Variants in CAMK1D observed in about 807,000 individuals in gnomAD.
The protein encoded by CAMK1D is calcium/calmodulin dependent protein kinase ID.
Under a neutral mutation model 47.7 loss-of-function variants are expected in CAMK1D, and 9 were observed. The observed-to-expected ratio is 0.19, with a 90% confidence interval of 0.11 to 0.33. The LOEUF (loss-of-function observed/expected upper bound fraction) is 0.33, where lower values mean the gene tolerates loss of function less well. Among genes scored for constraint, CAMK1D ranks in the 10% least tolerant of loss-of-function variants. CAMK1D has a pLI of 1.00. For missense variants in CAMK1D, 291 were observed against 488.7 expected (o/e 0.60, Z 3.81); for synonymous variants, 184 against 184.9 (o/e 0.99, Z 0.04).
intron 2 of CAMK1D, among the ~76,000 whole-genome samples, chr10:12,627,578 C>G (rs562273168): frequency 6.6e-6 from 1 of 152,242 alleles, no homozygotes; most frequent in African/African-American, 2.4e-5. Context: ...AACCACTCAT[C>G]TGATTTGTAT....
intron 3 of CAMK1D, among the ~76,000 whole-genome samples, chr10:12,668,121 G>T (rs190789087): frequency 2.2e-4 from 34 of 152,090 alleles, no homozygotes; most frequent in Non-Finnish European, 4.4e-4. Flanking sequence ...ACACTTTGCC[G>T]TATTTCTGGT....
At chr10:12,377,128 A>G (rs1477794730) in intron 1 of CAMK1D, among the ~76,000 whole-genome samples, 3 of 152,206 alleles carry the variant, frequency 2.0e-5, no homozygotes, top group African/African-American at 7.2e-5. Context: ...AATGAAGATA[A>G]TAATTTTTGA....
intron 2 of CAMK1D, among the ~76,000 whole-genome samples, chr10:12,589,461 C>T (rs1362389221): frequency 6.6e-6 from 1 of 152,204 alleles, no homozygotes; most frequent in Admixed American, 6.5e-5. Context: ...GCTTCACTGA[C>T]CGTGCTTGCT....
intron 8 of CAMK1D, 31 bp downstream of exon 8, chr10:12,816,359 G>A (rs372645220): frequency 1.9e-6 from 3 of 1,571,420 alleles, no homozygotes; most frequent in African/African-American, 2.7e-5. Context: ...AGCAGACCGT[G>A]CCATTTAATG....
At position 12,430,301 on chromosome 10, in the gene CAMK1D, C is replaced by T. The variant is rs571889889; in HGVS notation, c.92+80391C>T. Among the ~76,000 whole-genome samples the T allele has an allele frequency of 4.6e-5, 7 of 152,280 alleles. 1 individual carries two copies. Among genetic ancestry groups the T allele is most frequent in the South Asian group, 2.1e-4 (1 of 4,832 alleles). ...CAATAATTCCCAAATGAACACGATC[C>T]GCTCTCCCGGAGAGCACAGCCCCAC... On this transcript the variant is annotated intron_variant, in intron 1 of 10. Coordinates refer to ENST00000619168, the MANE Select transcript of CAMK1D (RefSeq NM_153498.4).
At chr10:12,423,168 C>T (rs1379044259) in intron 1 of CAMK1D, among the ~76,000 whole-genome samples, 1 of 152,094 alleles carries the variant, frequency 6.6e-6, no homozygotes, top group Non-Finnish European at 1.5e-5. Flanking sequence ...TCCTTTTGTA[C>T]TATCCATCTC....
Position 12,518,520 on chromosome 10 carries a change from G to C in CAMK1D, c.93-34705G>C, listed in dbSNP as rs1835280148. On this transcript the variant is annotated intron_variant, in intron 1 of 10. Coordinates refer to ENST00000619168, the MANE Select transcript of CAMK1D (RefSeq NM_153498.4). ...TTTTTTTTTTTTATTGATCATTCTT[G>C]GGTGTTTCTCGCAGAGGGGGATTTG... Among the ~76,000 whole-genome samples the C allele has an allele frequency of 3.0e-5, 3 of 100,740 alleles. 1 individual carries two copies. Among genetic ancestry groups the C allele is most frequent in the Admixed American group, 9.5e-5 (1 of 10,534 alleles). The allele number at this position is 100,740 out of a possible 152,430, so 66.1% of individuals were successfully genotyped here.
At chr10:12,743,511 T>C (rs1358252894) in intron 3 of CAMK1D, among the ~76,000 whole-genome samples, 1 of 152,092 alleles carries the variant, frequency 6.6e-6, no homozygotes, top group African/African-American at 2.4e-5. Context: ...ACTTAAAAAA[T>C]AGGTATAAAT....
chr10:12,358,235 G>A (rs2131837048), intron 1 of CAMK1D, among the ~76,000 whole-genome samples: 1 of 152,008 alleles, frequency 6.6e-6, no homozygotes, highest in Middle Eastern at 3.4e-3. Flanking sequence ...CATAGAGAAA[G>A]AAAAGAAAAA....
chr10:12,542,804 G>A (rs1162894370), intron 1 of CAMK1D, among the ~76,000 whole-genome samples: 2 of 150,280 alleles, frequency 1.3e-5, no homozygotes, highest in African/African-American at 2.5e-5. Context: ...GTGCAGCAGT[G>A]TGAACTCAGC....
intron 1 of CAMK1D, among the ~76,000 whole-genome samples, chr10:12,545,282 A>G (rs541930721): frequency 1.0e-3 from 6 of 5,778 alleles, no homozygotes; most frequent in Admixed American, 8.0e-3. Flanking sequence ...TCTACTAAAA[A>G]AACAAAAAAA....
At chr10:12,577,778 C>A (rs7096144) in intron 2 of CAMK1D, among the ~76,000 whole-genome samples, 1 of 152,318 alleles carries the variant, frequency 6.6e-6, no homozygotes, top group Non-Finnish European at 1.5e-5. Context: ...TGGCTGACAT[C>A]GTTAACTCAG....
chr10:12,573,281 G>T (rs2132320030), intron 2 of CAMK1D, among the ~76,000 whole-genome samples: 1 of 152,336 alleles, frequency 6.6e-6, no homozygotes, highest in East Asian at 1.9e-4. Context: ...TGTTAGTGAT[G>T]CCTGTGGGTG....
intron 2 of CAMK1D, among the ~76,000 whole-genome samples, chr10:12,658,578 T>C (rs1196087383): frequency 1.3e-5 from 2 of 152,168 alleles, no homozygotes; most frequent in Non-Finnish European, 2.9e-5. Context: ...TGGCCCACCA[T>C]GTCCCCATCC....
chr10:12,383,984 A>G (rs1838418268), intron 1 of CAMK1D, among the ~76,000 whole-genome samples: 1 of 152,238 alleles, frequency 6.6e-6, no homozygotes. Flanking sequence ...TAACTATTCC[A>G]TTTAATAAAT....
intron 1 of CAMK1D, among the ~76,000 whole-genome samples, chr10:12,550,879 G>A (rs1836554836): frequency 6.6e-6 from 1 of 152,234 alleles, no homozygotes; most frequent in Non-Finnish European, 1.5e-5. Context: ...TGGGAACGCT[G>A]TCCTGAAGTT....
chr10:12,375,984 G>A (rs1409867073), intron 1 of CAMK1D, among the ~76,000 whole-genome samples: 7 of 151,622 alleles, frequency 4.6e-5, no homozygotes, highest in Non-Finnish European at 8.8e-5. Flanking sequence ...CCAACATAGC[G>A]AAACCCTGTC....
chr10:12,421,446 T>G (rs1840044789), intron 1 of CAMK1D, among the ~76,000 whole-genome samples: 1 of 151,706 alleles, frequency 6.6e-6, no homozygotes, highest in Non-Finnish European at 1.5e-5. Flanking sequence ...TAGCTGCTGT[T>G]TCAGTGTGGC....
At chr10:12,760,380 T>C (rs1174216869) in intron 3 of CAMK1D, among the ~76,000 whole-genome samples, 2 of 152,218 alleles carry the variant, frequency 1.3e-5, no homozygotes, top group African/African-American at 4.8e-5. Flanking sequence ...TTCTGATCAT[T>C]CCGAAGGCAT....
Sources: gnomAD v4.1 joint callset for allele counts (sites outside exome capture counted in the v4.1 genomes callset) on GRCh38, gnomAD v4.1.1 for gene constraint, MANE v1.5 for transcripts, NCBI Gene and HGNC (gene_info 2026-07-23, HGNC 2026-07-21) for gene names.